Variants in PPP2R2C observed in about 807,000 individuals in gnomAD.
PPP2R2C encodes the protein protein phosphatase 2, regulatory subunit B, gamma.
PPP2R2C carries 10 observed loss-of-function variants against 45.3 expected under a neutral mutation model. The observed-to-expected ratio is 0.22, with a 90% CI of 0.14 to 0.37. The LOEUF (loss-of-function observed/expected upper bound fraction) is 0.37, where lower values mean the gene tolerates loss of function less well. Among genes scored for constraint, PPP2R2C ranks in the 10% least tolerant of loss-of-function variants. PPP2R2C has a pLI of 1.00. For synonymous variants in PPP2R2C, 257 were observed against 245.4 expected (o/e 1.05, Z -0.44); for missense variants, 308 against 619.7 (o/e 0.50, Z 5.34).
At chr4:6,383,461 G>A (rs1484009031) in intron 1 of PPP2R2C, 2 of 1,284,292 alleles carry the variant, frequency 1.6e-6, no homozygotes, top group Non-Finnish European at 1.0e-6. Context: ...CCAAACACCA[G>A]GCTCCTTGCC....
At chr4:6,374,677 G>A (rs1715149166) in intron 4 of PPP2R2C, among the ~76,000 whole-genome samples, 1 of 152,244 alleles carries the variant, frequency 6.6e-6, no homozygotes, top group Admixed American at 6.5e-5. Context: ...TCACCGCACT[G>A]AGCGCCAGTG....
At chr4:6,408,008 A>G (rs1717913069) in intron 1 of PPP2R2C, among the ~76,000 whole-genome samples, 1 of 152,248 alleles carries the variant, frequency 6.6e-6, no homozygotes, top group Non-Finnish European at 1.5e-5. Flanking sequence ...TACAGTTTAT[A>G]CTATTTTGGA....
intron 1 of PPP2R2C, among the ~76,000 whole-genome samples, chr4:6,451,373 C>A (rs757127788): frequency 2.6e-5 from 4 of 152,228 alleles, no homozygotes; most frequent in Non-Finnish European, 5.9e-5. Context: ...CTGGCTCTTT[C>A]CTAAACATCC....
rs201031128 is a variant in PPP2R2C, at chr4:6,452,292, TG to T, written c.70+19867del. ...CTCCAGATCCTGTGAACATTGGCAG[TG>T]GAGTCTAACCCTCAGGACACAGCTG... On this transcript the variant is annotated intron_variant, in intron 1 of 8. Coordinates refer to ENST00000382599, the MANE Select transcript of PPP2R2C (RefSeq NM_020416.4). Among the ~76,000 whole-genome samples, 668 of 152,242 alleles carry T rather than the reference TG, an allele frequency of 4.4e-3. 4 individuals carry two copies. The highest frequency in any genetic ancestry group is 0.015 in the African/African-American group (640 of 41,552).
At chr4:6,403,787 T>G (rs972880615) in intron 1 of PPP2R2C, among the ~76,000 whole-genome samples, 11 of 150,768 alleles carry the variant, frequency 7.3e-5, no homozygotes, top group African/African-American at 2.7e-4. Flanking sequence ...CGCTTGAACC[T>G]GGGAGGCGGA....
intron 2 of PPP2R2C, among the ~76,000 whole-genome samples, chr4:6,495,541 G>A (rs941159749): frequency 6.6e-5 from 10 of 152,222 alleles, no homozygotes; most frequent in Non-Finnish European, 1.0e-4. Context: ...GAACAGGCAC[G>A]GGATCAGGTC....
chr4:6,375,321 T>A (rs1577122782), intron 4 of PPP2R2C, among the ~76,000 whole-genome samples: 1 of 152,328 alleles, frequency 6.6e-6, no homozygotes, highest in South Asian at 2.1e-4. Context: ...GGCACGTGTG[T>A]GTCTGTTTCA....
chr4:6,499,917 C>T (rs1220687765), intron 2 of PPP2R2C, among the ~76,000 whole-genome samples: 2 of 152,134 alleles, frequency 1.3e-5, no homozygotes, highest in East Asian at 1.9e-4. Context: ...TCCTTCCAGG[C>T]TTCCTTCCCC....
At chr4:6,469,885 T>C (rs1721775989) in intron 1 of PPP2R2C, among the ~76,000 whole-genome samples, 1 of 152,246 alleles carries the variant, frequency 6.6e-6, no homozygotes, top group Non-Finnish European at 1.5e-5. Context: ...GCTCTCTGCA[T>C]CCGCAGCACC....
chr4:6,420,040 G>A (rs1370190119), intron 1 of PPP2R2C, among the ~76,000 whole-genome samples: 1 of 152,152 alleles, frequency 6.6e-6, no homozygotes, highest in African/African-American at 2.4e-5. Context: ...ACATTTAAAC[G>A]CACGACAGTC....
At chr4:6,398,239 A>T (rs141703313) in intron 1 of PPP2R2C, among the ~76,000 whole-genome samples, 3 of 151,556 alleles carry the variant, frequency 2.0e-5, no homozygotes, top group Admixed American at 6.6e-5. Context: ...AAAAACAACA[A>T]AAAATGGACA....
At chr4:6,362,185 TG>T in intron 5 of PPP2R2C, among the ~76,000 whole-genome samples, 1 of 152,140 alleles carries the variant, frequency 6.6e-6, no homozygotes, top group South Asian at 2.1e-4. Flanking sequence ...GCATAGGCTC[TG>T]TCCAAAAGGA....
chr4:6,388,148 G>A (rs1469562032), intron 1 of PPP2R2C, among the ~76,000 whole-genome samples: 1 of 152,178 alleles, frequency 6.6e-6, no homozygotes, highest in Non-Finnish European at 1.5e-5. Context: ...CCCCCCCTGA[G>A]GTGCCTCCTC....
At chr4:6,519,933 A>G (rs978014006) in intron 2 of PPP2R2C, among the ~76,000 whole-genome samples, 1 of 152,008 alleles carries the variant, frequency 6.6e-6, no homozygotes, top group Non-Finnish European at 1.5e-5. Context: ...GCTTGCTCAT[A>G]TATATCTCAC....
rs139361541 is a variant in PPP2R2C at position 6,350,343 on chromosome 4, C to T, written c.626-2333G>A. On this transcript the variant is annotated intron_variant, in intron 5 of 8. Transcript: ENST00000382599. ...TTACTGAACTTCACTAAAGTGGGATCCAGAGAAAAAGTGCGGCCACTGATG... is the reference window on the plus strand; with the variant it reads ...TTACTGAACTTCACTAAAGTGGGATTCAGAGAAAAAGTGCGGCCACTGATG... 1.6e-4 allele frequency: 153 copies of T among 985,394 alleles called. No individual in the cohort carries two copies. The African/African-American group carries it at 2.5e-3, about 16-fold the overall frequency. 61.0% of individuals were successfully genotyped at this position (985,394 alleles called of 1,614,324 possible). A position where few individuals can be genotyped will look rare whatever the true frequency, so the allele number is the denominator to read the frequency against.
At chr4:6,532,218 C>T (rs4342256) in intron 2 of PPP2R2C, among the ~76,000 whole-genome samples, 39,234 of 152,152 alleles carry the variant, frequency 0.26, 5,667 homozygotes, top group South Asian at 0.41. Flanking sequence ...ATGGTCCTCA[C>T]GACTGCCTTG....
Position 6,427,214 on chromosome 4 carries a change from G to A in PPP2R2C, c.70+44946C>T, listed in dbSNP as rs35239764. On this transcript the variant is annotated intron_variant, in intron 1 of 8. Transcript: ENST00000382599. The stretch of plus-strand genomic sequence containing the variant: ...ATGCCCAGTGCCTAGAATAGTATCT[G>A]GTACACAGTAGCTACTCTGTGTTTG... Among the ~76,000 whole-genome samples the A allele has an allele frequency of 3.9e-3, 593 of 152,316 alleles. 1 individual carries two copies. The highest frequency in any genetic ancestry group is 0.031 in the Middle Eastern group (9 of 294).
rs926064229 is a variant in PPP2R2C, at chr4:6,489,283, AT to A, written c.49+45987del. On this transcript the variant is annotated intron_variant, in intron 2 of 9. Coordinates refer to the PPP2R2C transcript ENST00000506140. ...ATCCCTGTTTCATTTGTTTCATGCC[AT>A]TTTTTTTACTTGTTTAAGGTGAGAA... 3.9e-5 allele frequency among the ~76,000 whole-genome samples: 6 copies of A among 151,930 alleles called. No individual in the cohort carries two copies. The South Asian group carries it at 8.3e-4, about 21-fold the overall frequency.
At chr4:6,507,939 C>G (rs898438618) in intron 2 of PPP2R2C, among the ~76,000 whole-genome samples, 1 of 152,116 alleles carries the variant, frequency 6.6e-6, no homozygotes, top group Admixed American at 6.5e-5. Context: ...CCTTAGACGA[C>G]AAATCAAATT....
Sources: allele counts gnomAD v4.1 joint callset (sites outside exome capture counted in the v4.1 genomes callset), GRCh38; gene constraint gnomAD v4.1.1; transcripts MANE v1.5; gene names NCBI Gene and HGNC (gene_info 2026-07-23, HGNC 2026-07-21).